Variants in RBMS3 observed in about 807,000 individuals in gnomAD.
RBMS3 encodes RNA binding motif single stranded interacting protein 3, also known as RNA-binding motif, single-stranded-interacting protein 3.
In RBMS3, 27 loss-of-function variants were observed where a neutral mutation model predicts 66.8. The ratio of observed to expected loss-of-function variants is 0.40; its 90% CI spans 0.30 to 0.56. The LOEUF (loss-of-function observed/expected upper bound fraction) is 0.56. Ranked by LOEUF, RBMS3 falls within the 20% of genes least tolerant of loss-of-function variation. The pLI is 0.40. For synonymous variants in RBMS3, 188 were observed against 183.0 expected (o/e 1.03, Z -0.22); for missense variants, 513 against 549.5 (o/e 0.93, Z 0.66).
At chr3:29,357,069 T>G (rs1158513179) in intron 1 of RBMS3, among the ~76,000 whole-genome samples, 1 of 152,194 alleles carries the variant, frequency 6.6e-6, no homozygotes, top group East Asian at 1.9e-4. Context: ...TTTATTATCC[T>G]TTAAGTTCTA....
At chr3:29,471,650 C>G (rs147665920) in intron 2 of RBMS3, among the ~76,000 whole-genome samples, 244 of 149,566 alleles carry the variant, frequency 1.6e-3, no homozygotes, top group African/African-American at 5.8e-3. Context: ...GGGCATACAG[C>G]TTATATACTA....
chr3:29,663,874 C>A (rs571605497), intron 4 of RBMS3, among the ~76,000 whole-genome samples: 1 of 152,268 alleles, frequency 6.6e-6, no homozygotes, highest in Non-Finnish European at 1.5e-5. Context: ...GTGTCTTGAA[C>A]AGTGCCTGGA....
chr3:29,620,692 A>T (rs904154156), intron 4 of RBMS3, among the ~76,000 whole-genome samples: 1 of 152,070 alleles, frequency 6.6e-6, no homozygotes, highest in Non-Finnish European at 1.5e-5. Context: ...CCTCTAAAGA[A>T]ATTTCACTTA....
At chr3:29,734,598 C>G (rs1379986799) in intron 4 of RBMS3, among the ~76,000 whole-genome samples, 2 of 151,996 alleles carry the variant, frequency 1.3e-5, no homozygotes, top group South Asian at 2.1e-4. Context: ...GAACTAATCA[C>G]TCACTGAGAC....
intron 1 of RBMS3, among the ~76,000 whole-genome samples, chr3:29,429,205 G>C (rs1301620303): frequency 6.6e-6 from 1 of 152,134 alleles, no homozygotes; most frequent in Non-Finnish European, 1.5e-5. Flanking sequence ...TGTAAAATGA[G>C]AAGAATATTA....
rs139147116 is a variant in RBMS3, at chr3:29,428,622, C to T, written c.76-6121C>T. Among the ~76,000 whole-genome samples the T allele has an allele frequency of 2.8e-3, 421 of 150,552 alleles. 2 individuals are homozygous for T. Among genetic ancestry groups the T allele is most frequent in the South Asian group, 9.4e-3 (45 of 4,784 alleles). On this transcript the variant is annotated intron_variant, in intron 1 of 14. Coordinates refer to ENST00000383767, the MANE Select transcript of RBMS3 (RefSeq NM_001003793.3). Reference sequence around the variant, plus strand: ...CACAACTAACCTTTCTCCAAACCTACATACCCAAACCACAGATTTTACAAA... The same window carrying T: ...CACAACTAACCTTTCTCCAAACCTATATACCCAAACCACAGATTTTACAAA...
chr3:29,530,388 A>T (rs923021024), intron 3 of RBMS3, among the ~76,000 whole-genome samples: 1 of 152,194 alleles, frequency 6.6e-6, no homozygotes, highest in Admixed American at 6.5e-5. Flanking sequence ...TACCAAAGAA[A>T]ATCACAATGA....
intron 12 of RBMS3, among the ~76,000 whole-genome samples, chr3:29,967,098 T>C (rs1349059221): frequency 6.6e-6 from 1 of 152,208 alleles, no homozygotes; most frequent in Non-Finnish European, 1.5e-5. Context: ...TAGCTATTAT[T>C]TTGCTAAGGA....
At chr3:29,855,171 T>TGTAAG (rs1302116162) in intron 6 of RBMS3, among the ~76,000 whole-genome samples, 1 of 152,180 alleles carries the variant, frequency 6.6e-6, no homozygotes, top group Non-Finnish European at 1.5e-5. Context: ...GAGTGTTCAG[T>TGTAAG]GTAAGGTCAT....
intron 4 of RBMS3, among the ~76,000 whole-genome samples, chr3:29,650,910 G>A (rs1456596303): frequency 1.3e-5 from 2 of 152,104 alleles, no homozygotes; most frequent in Non-Finnish European, 2.9e-5. Context: ...GTTGTGTTTA[G>A]GAATGCTGGT....
At position 29,587,175 on chromosome 3, in the gene RBMS3, G is replaced by A; in HGVS notation, c.369G>A (p.Lys123=). 6.3e-7 allele frequency: 1 copy of A among 1,590,522 alleles called. No individual in the cohort carries two copies. The highest frequency in any genetic ancestry group is 8.6e-7 in the Non-Finnish European group (1 of 1,167,228). Residue 123 remains lysine, a synonymous_variant, in exon 4 of 15, where the codon AAG becomes AAA. Coordinates refer to ENST00000383767, the MANE Select transcript of RBMS3 (RefSeq NM_001003793.3). ...CACAGAAAGCGGTAGCATCTCTCAA[G>A]GCAAATGGCGTGCAGGCACAGATGG... ...AAAQKAVASL[K]ANGVQAQMAK...
At chr3:29,955,399 A>G (rs966583364) in intron 12 of RBMS3, among the ~76,000 whole-genome samples, 1 of 152,038 alleles carries the variant, frequency 6.6e-6, no homozygotes, top group African/African-American at 2.4e-5. Flanking sequence ...GAAACATAAC[A>G]ATTTCAAAGT....
At chr3:29,515,799 G>A (rs2044598485) in intron 3 of RBMS3, among the ~76,000 whole-genome samples, 1 of 152,196 alleles carries the variant, frequency 6.6e-6, no homozygotes, top group South Asian at 2.1e-4. Flanking sequence ...GACCAGGAAG[G>A]CTAAAGGGCA....
chr3:29,359,446 G>A (rs1047828046), intron 1 of RBMS3, among the ~76,000 whole-genome samples: 1 of 152,138 alleles, frequency 6.6e-6, no homozygotes, highest in Non-Finnish European at 1.5e-5. Flanking sequence ...GATTCGGTTT[G>A]CCAGTATTTT....
intron 1 of RBMS3, among the ~76,000 whole-genome samples, chr3:29,365,329 TA>T (rs2037838263): frequency 6.6e-6 from 1 of 151,900 alleles, no homozygotes; most frequent in Non-Finnish European, 1.5e-5. Flanking sequence ...TATATATATA[TA>T]TTCTTTAAAA....
At chr3:29,362,044 A>C (rs1390866746) in intron 1 of RBMS3, among the ~76,000 whole-genome samples, 1 of 152,176 alleles carries the variant, frequency 6.6e-6, no homozygotes, top group Non-Finnish European at 1.5e-5. Context: ...TTCTTCTCTC[A>C]ACTTGTCAAA....
chr3:29,815,748 C>T (rs1328693066), intron 6 of RBMS3, among the ~76,000 whole-genome samples: 4 of 151,400 alleles, frequency 2.6e-5, no homozygotes, highest in Non-Finnish European at 5.9e-5. Context: ...GATGCAAAGG[C>T]ATAAAAATGA....
At chr3:29,449,694 C>T (rs887817753) in intron 2 of RBMS3, among the ~76,000 whole-genome samples, 3 of 152,220 alleles carry the variant, frequency 2.0e-5, no homozygotes, top group African/African-American at 7.2e-5. Context: ...CACTGGCACA[C>T]TTCTCTTAAA....
At chr3:29,658,710 C>T (rs564453258) in intron 4 of RBMS3, among the ~76,000 whole-genome samples, 2 of 152,238 alleles carry the variant, frequency 1.3e-5, no homozygotes, top group African/African-American at 4.8e-5. Flanking sequence ...TTATTATGGC[C>T]TAGGAATGTA....
Sources: gnomAD v4.1 joint callset for allele counts (sites outside exome capture counted in the v4.1 genomes callset) on GRCh38, gnomAD v4.1.1 for gene constraint, MANE v1.5 for transcripts, NCBI Gene and HGNC (gene_info 2026-07-23, HGNC 2026-07-21) for gene names.